Variants in PTPRD observed in about 807,000 individuals in gnomAD.
PTPRD encodes receptor-type tyrosine-protein phosphatase delta.
Under a neutral mutation model 214.5 loss-of-function variants are expected in PTPRD, and 34 were observed. The observed-to-expected ratio is 0.16, with a 90% CI of 0.12 to 0.21. The LOEUF (loss-of-function observed/expected upper bound fraction) is 0.21, where lower values mean the gene tolerates loss of function less well. Among genes scored for constraint, PTPRD ranks in the 10% least tolerant of loss-of-function variants. PTPRD has a pLI of 1.00. For synonymous variants in PTPRD, 1,128 were observed against 845.7 expected (o/e 1.33, Z -5.79); for missense variants, 2,545 against 2,398.7 (o/e 1.06, Z -1.27).
chr9:10,273,268 A>C (rs2154384249), intron 3 of PTPRD, among the ~76,000 whole-genome samples: 1 of 152,232 alleles, frequency 6.6e-6, no homozygotes. Context: ...CAGTTTATAG[A>C]TCTCTGATTT....
chr9:9,479,243 C>A (rs2095288354), intron 8 of PTPRD, among the ~76,000 whole-genome samples: 1 of 131,640 alleles, frequency 7.6e-6, no homozygotes, highest in African/African-American at 2.9e-5. Flanking sequence ...CACACACCCA[C>A]CTCTAGCATT....
At chr9:10,154,329 G>T (rs547895897) in intron 3 of PTPRD, among the ~76,000 whole-genome samples, 1 of 152,062 alleles carries the variant, frequency 6.6e-6, no homozygotes, top group African/African-American at 2.4e-5. Flanking sequence ...TTTTCTACTT[G>T]TAAATTTGTT....
At chr9:9,224,686 T>C (rs530899763) in intron 9 of PTPRD, among the ~76,000 whole-genome samples, 1 of 152,166 alleles carries the variant, frequency 6.6e-6, no homozygotes, top group Non-Finnish European at 1.5e-5. Context: ...CATCCATTAA[T>C]GACTTTTAAA....
Position 8,770,792 on chromosome 9 carries a change from T to C in PTPRD, c.-103-36846A>G, listed in dbSNP as rs561299955. Among the ~76,000 whole-genome samples, 22 of 151,230 alleles carry C rather than the reference T, an allele frequency of 1.5e-4. No individual in the cohort carries two copies. In the South Asian group the frequency reaches 2.9e-3, roughly 20 times the overall value. On this transcript the variant is annotated intron_variant, in intron 11 of 45. Transcript: ENST00000381196. ...AAAAACGTCAAATATTCAAACTCAA[T>C]TGAAAGGCAAAACACAATAGAAACC...
chr9:10,253,008 T>A (rs1340339787), intron 3 of PTPRD, among the ~76,000 whole-genome samples: 1 of 152,184 alleles, frequency 6.6e-6, no homozygotes, highest in South Asian at 2.1e-4. Flanking sequence ...GGTCTCAAAC[T>A]CTTGACCTCA....
chr9:9,189,363 T>C (rs2099933706), intron 9 of PTPRD, among the ~76,000 whole-genome samples: 1 of 152,086 alleles, frequency 6.6e-6, no homozygotes, highest in Admixed American at 6.6e-5. Flanking sequence ...TAACTGCAGA[T>C]ATAGAAGAAT....
At chr9:10,248,440 A>T (rs1324927121) in intron 3 of PTPRD, among the ~76,000 whole-genome samples, 1 of 151,612 alleles carries the variant, frequency 6.6e-6, no homozygotes, top group East Asian at 1.9e-4. Flanking sequence ...TCACCAAAAC[A>T]AGAAATGTTA....
intron 11 of PTPRD, among the ~76,000 whole-genome samples, chr9:8,856,268 T>C (rs184960766): frequency 6.6e-6 from 1 of 152,278 alleles, no homozygotes; most frequent in East Asian, 1.9e-4. Context: ...TCATCCTTGT[T>C]TTACTCAAGT....
chr9:10,449,174 G>A (rs1388174383), intron 2 of PTPRD, among the ~76,000 whole-genome samples: 1 of 151,968 alleles, frequency 6.6e-6, no homozygotes, highest in Non-Finnish European at 1.5e-5. Flanking sequence ...CAAGTGCCTG[G>A]GATTGCGGGC....
intron 12 of PTPRD, among the ~76,000 whole-genome samples, chr9:8,637,684 G>T (rs1480412412): frequency 6.6e-6 from 1 of 152,130 alleles, no homozygotes; most frequent in African/African-American, 2.4e-5. Flanking sequence ...AAATGTAAAT[G>T]AATACTTATG....
chr9:9,645,378 T>G (rs2096121178), intron 7 of PTPRD, among the ~76,000 whole-genome samples: 1 of 151,938 alleles, frequency 6.6e-6, no homozygotes, highest in African/African-American at 2.4e-5. Flanking sequence ...CCAATTTTTT[T>G]GTTTGTTTGG....
chr9:9,951,028 T>C (rs948584405), intron 4 of PTPRD, among the ~76,000 whole-genome samples: 2 of 152,274 alleles, frequency 1.3e-5, no homozygotes, highest in East Asian at 3.9e-4. Flanking sequence ...ATTCTATTTC[T>C]GGTAGTAGCT....
chr9:9,932,545 T>A (rs1310574639), intron 5 of PTPRD, among the ~76,000 whole-genome samples: 2 of 113,852 alleles, frequency 1.8e-5, no homozygotes, highest in East Asian at 5.4e-4. Flanking sequence ...TAAAAAGAAA[T>A]GAGCAAAGCC....
chr9:8,679,327 A>C (rs912440771), intron 12 of PTPRD, among the ~76,000 whole-genome samples: 1 of 152,174 alleles, frequency 6.6e-6, no homozygotes, highest in Non-Finnish European at 1.5e-5. Flanking sequence ...CTGTTCTCCA[A>C]ATTCCTATTT....
chr9:10,253,630 A>G (rs2154370818), intron 3 of PTPRD, among the ~76,000 whole-genome samples: 1 of 152,334 alleles, frequency 6.6e-6, no homozygotes, highest in East Asian at 1.9e-4. Flanking sequence ...CAACTGTTTC[A>G]AGAAAAATCT....
At chr9:8,943,407 G>A (rs569675891) in intron 11 of PTPRD, among the ~76,000 whole-genome samples, 1 of 151,900 alleles carries the variant, frequency 6.6e-6, no homozygotes, top group Admixed American at 6.6e-5. Context: ...AAACAGCATG[G>A]TTCTGAGATA....
At chr9:8,554,145 G>T (rs912951040) in intron 14 of PTPRD, among the ~76,000 whole-genome samples, 9 of 152,128 alleles carry the variant, frequency 5.9e-5, no homozygotes, top group African/African-American at 2.2e-4. Context: ...CCAAGATCAT[G>T]CCATTGCATT....
chr9:9,907,125 A>T (rs1470020401), intron 5 of PTPRD, among the ~76,000 whole-genome samples: 2 of 151,104 alleles, frequency 1.3e-5, no homozygotes, highest in Non-Finnish European at 3.0e-5. Context: ...CTTCCAAGCA[A>T]GAGTTCTGTG....
At chr9:9,695,845 T>A (rs147900684) in intron 7 of PTPRD, among the ~76,000 whole-genome samples, 1 of 152,238 alleles carries the variant, frequency 6.6e-6, no homozygotes, top group Admixed American at 6.5e-5. Flanking sequence ...ATCAGGAATA[T>A]TGACCTGTAG....
Sources: gnomAD v4.1 joint callset for allele counts (sites outside exome capture counted in the v4.1 genomes callset) on GRCh38, gnomAD v4.1.1 for gene constraint, MANE v1.5 for transcripts, NCBI Gene and HGNC (gene_info 2026-07-23, HGNC 2026-07-21) for gene names.